TEX2: variants seen among roughly 807,000 people sequenced by gnomAD.
The protein encoded by TEX2 is testis-expressed protein 2.
Under a neutral mutation model 106.9 loss-of-function variants are expected in TEX2, and 53 were observed. The observed-to-expected ratio is 0.50, with a 90% CI of 0.40 to 0.62. TEX2 has a LOEUF of 0.62. TEX2 is among the 20% of genes least tolerant of loss of function. The pLI is 0.00. For synonymous variants in TEX2, 523 were observed against 534.8 expected, an observed-to-expected ratio of 0.98 and a Z score of 0.30; for missense variants, 1,207 against 1,379.0, an observed-to-expected ratio of 0.88 and a Z score of 1.98.
chr17:64,220,572 C>T (rs1356663950), intron 1 of TEX2, among the ~76,000 whole-genome samples: 1 of 109,168 alleles, frequency 9.2e-6, no homozygotes, highest in African/African-American at 3.3e-5. Flanking sequence ...CAAAAGAAGA[C>T]ATTTATGCAG....
At chr17:64,208,608 T>A (rs1301661365) in intron 2 of TEX2, among the ~76,000 whole-genome samples, 5 of 151,976 alleles carry the variant, frequency 3.3e-5, no homozygotes, top group African/African-American at 1.2e-4. Flanking sequence ...CTATTTTTTT[T>A]AAAGCAAGCA....
intron 5 of TEX2, among the ~76,000 whole-genome samples, chr17:64,180,484 A>G (rs1330293859): frequency 6.6e-6 from 1 of 152,240 alleles, no homozygotes; most frequent in Non-Finnish European, 1.5e-5. Context: ...AAAATTCCAG[A>G]GCAGAACATC....
At chr17:64,234,817 T>C (rs1428654115) in intron 1 of TEX2, among the ~76,000 whole-genome samples, 1 of 152,218 alleles carries the variant, frequency 6.6e-6, no homozygotes, top group African/African-American at 2.4e-5. Context: ...TCTCAAAATA[T>C]CCTATTGATT....
intron 1 of TEX2, among the ~76,000 whole-genome samples, chr17:64,219,079 G>A (rs540014738): frequency 6.6e-6 from 1 of 152,092 alleles, no homozygotes; most frequent in East Asian, 1.9e-4. Context: ...ATAACCAAAG[G>A]TAACCAAGCA....
intron 4 of TEX2, 140 bp downstream of exon 4, chr17:64,193,419 T>G (rs1278607869): frequency 1.6e-6 from 1 of 627,192 alleles, no homozygotes; most frequent in Non-Finnish European, 2.5e-6. Flanking sequence ...AAATGAGTCA[T>G]GAGAATGCAC....
chr17:64,199,938 AAG>A (rs1475718324), intron 2 of TEX2, among the ~76,000 whole-genome samples: 1 of 152,254 alleles, frequency 6.6e-6, no homozygotes, highest in Non-Finnish European at 1.5e-5. Flanking sequence ...TCTTAGTGAT[AAG>A]AGACAGTCAT....
chr17:64,215,414 G>A (rs191873169), intron 1 of TEX2, among the ~76,000 whole-genome samples: 8 of 152,316 alleles, frequency 5.3e-5, no homozygotes, highest in African/African-American at 1.4e-4. Context: ...AAGGGACAAG[G>A]GCATAAAGAT....
chr17:64,218,405 CT>C (rs10526886), intron 1 of TEX2, among the ~76,000 whole-genome samples: 3,367 of 119,906 alleles, frequency 0.028, 51 homozygotes, highest in Middle Eastern at 0.039. Context: ...GACACTTTCA[CT>C]TTTTTTTTTT....
At position 64,147,250 on chromosome 17, in the gene TEX2, G is replaced by T. The variant is rs913449667; in HGVS notation, c.*1719C>A. The T allele has an allele frequency of 6.6e-6, 1 of 152,216 alleles. No individual in the cohort carries two copies. 9.4% of individuals were successfully genotyped at this position (152,216 alleles called of 1,614,324 possible). A position where few individuals can be genotyped will look rare whatever the true frequency, so the allele number is the denominator to read the frequency against. ...ACTTTCACTGGATTCTTTAAATGTG[G>T]GCTGAAGATAATGGCACATAGTTTG... On this transcript the variant is annotated 3_prime_UTR_variant, in exon 12 of 12. Coordinates refer to ENST00000584379, the MANE Select transcript of TEX2 (RefSeq NM_001288732.2).
intron 1 of TEX2, among the ~76,000 whole-genome samples, chr17:64,220,017 G>C (rs537853867): frequency 1.2e-4 from 19 of 152,360 alleles, no homozygotes; most frequent in Non-Finnish European, 2.2e-4. Context: ...CAGAAACTCA[G>C]AGAAGGCGAT....
intron 1 of TEX2, among the ~76,000 whole-genome samples, chr17:64,219,869 T>C (rs1239668761): frequency 1.3e-5 from 2 of 152,250 alleles, no homozygotes; most frequent in Non-Finnish European, 2.9e-5. Flanking sequence ...GTCCACATCC[T>C]AGTCCCTAAA....
intron 2 of TEX2, among the ~76,000 whole-genome samples, chr17:64,212,090 T>C (rs781871808): frequency 3.3e-5 from 5 of 152,222 alleles, no homozygotes; most frequent in Non-Finnish European, 7.3e-5. Context: ...CAGTGAAAGA[T>C]GACATCTTTC....
intron 1 of TEX2, among the ~76,000 whole-genome samples, chr17:64,220,549 A>T (rs560539029): frequency 1.3e-5 from 2 of 151,214 alleles, no homozygotes; most frequent in South Asian, 4.2e-4. Context: ...AAAGGACATG[A>T]ACAGACATTT....
rs997718523 is a variant in TEX2, at chr17:64,147,690, A to C, written c.*1279T>G. Reference sequence around the variant, plus strand: ...ACCAACTGGAATGGTCAAACAATTTAAGTCAAATGTTTTAATGGTGCAATT... The same window carrying C: ...ACCAACTGGAATGGTCAAACAATTTCAGTCAAATGTTTTAATGGTGCAATT... On this transcript the variant is annotated 3_prime_UTR_variant, in exon 12 of 12. Coordinates refer to ENST00000584379, the MANE Select transcript of TEX2 (RefSeq NM_001288732.2). 1.3e-5 allele frequency: 2 copies of C among 152,616 alleles called. No homozygotes were observed. The highest frequency in any genetic ancestry group is 2.9e-5 in the Non-Finnish European group (2 of 68,030). 9.5% of individuals were successfully genotyped at this position (152,616 alleles called of 1,614,324 possible). A position where few individuals can be genotyped will look rare whatever the true frequency, so the allele number is the denominator to read the frequency against.
intron 7 of TEX2, among the ~76,000 whole-genome samples, chr17:64,168,900 T>C (rs2031264022): frequency 7.6e-6 from 1 of 130,918 alleles, no homozygotes; most frequent in African/African-American, 2.9e-5. Flanking sequence ...ACATAGATGG[T>C]GCTTTTTTTT....
chr17:64,186,983 GC>G (rs1387810411), intron 5 of TEX2, among the ~76,000 whole-genome samples: 1 of 152,150 alleles, frequency 6.6e-6, no homozygotes, highest in Non-Finnish European at 1.5e-5. Flanking sequence ...GAGCCAAGGG[GC>G]CCCTGGGTTC....
chr17:64,169,989 C>CT (rs911051668), intron 7 of TEX2, among the ~76,000 whole-genome samples: 7 of 152,254 alleles, frequency 4.6e-5, no homozygotes, highest in East Asian at 1.9e-4. Context: ...GCTCATTCCT[C>CT]TTTTTTTACC....
At chr17:64,210,857 CT>C (rs1422652691) in intron 2 of TEX2, among the ~76,000 whole-genome samples, 2 of 152,028 alleles carry the variant, frequency 1.3e-5, no homozygotes, top group African/African-American at 4.8e-5. Context: ...ACAAGGAATT[CT>C]CCAGGCAGGT....
chr17:64,230,454 G>A (rs1352389523), intron 1 of TEX2, among the ~76,000 whole-genome samples: 2 of 152,214 alleles, frequency 1.3e-5, no homozygotes, highest in East Asian at 3.9e-4. Flanking sequence ...GTTCCCTGAG[G>A]AGAACCACTT....
Sources: gnomAD v4.1 joint callset for allele counts (sites outside exome capture counted in the v4.1 genomes callset) on GRCh38, gnomAD v4.1.1 for gene constraint, MANE v1.5 for transcripts, NCBI Gene and HGNC (gene_info 2026-07-23, HGNC 2026-07-21) for gene names.